Variants in SYT1 observed in about 807,000 individuals in gnomAD.
SYT1 encodes the protein synaptotagmin-1.
In SYT1, 8 loss-of-function variants were observed where a neutral mutation model predicts 44.8. The ratio of observed to expected loss-of-function variants is 0.18; its 90% confidence interval spans 0.10 to 0.32. The LOEUF is 0.32. SYT1 is among the 10% of genes least tolerant of loss of function. The pLI is 1.00. For synonymous variants in SYT1, 154 were observed against 188.8 expected, an observed-to-expected ratio of 0.82 and a Z score of 1.51; for missense variants, 286 against 509.3, an observed-to-expected ratio of 0.56 and a Z score of 4.22.
At chr12:79,214,931 ATGTGTGTATATGTG>A (rs949889909) in intron 3 of SYT1, among the ~76,000 whole-genome samples, 6 of 99,218 alleles carry the variant, frequency 6.0e-5, no homozygotes, top group African/African-American at 3.0e-4. Context: ...GCCTGTAATA[ATGTGTGTATATGTG>A]TGTGTGTGTG....
At chr12:79,191,100 A>AAT (rs35534550) in intron 3 of SYT1, among the ~76,000 whole-genome samples, 95,171 of 149,616 alleles carry the variant, frequency 0.64, 30,566 homozygotes, top group Admixed American at 0.69. Flanking sequence ...CATAAATATA[A>AAT]ATATATATAT....
At chr12:79,231,016 T>C (rs183986008) in intron 4 of SYT1, among the ~76,000 whole-genome samples, 167 of 152,330 alleles carry the variant, frequency 1.1e-3, no homozygotes, top group African/African-American at 3.7e-3. Context: ...AAAGCCTGAC[T>C]ACAAAAACAA....
intron 9 of SYT1, among the ~76,000 whole-genome samples, chr12:79,375,693 G>A (rs1883965696): frequency 6.6e-6 from 1 of 152,126 alleles, no homozygotes; most frequent in South Asian, 2.1e-4. Context: ...GTACCTGTCT[G>A]CTTCACTTAT....
At chr12:79,132,747 G>A (rs1868929957) in intron 3 of SYT1, among the ~76,000 whole-genome samples, 1 of 150,148 alleles carries the variant, frequency 6.7e-6, no homozygotes, top group African/African-American at 2.5e-5. Context: ...TCAATACTGG[G>A]TAGCTATCGA....
intron 1 of SYT1, among the ~76,000 whole-genome samples, chr12:78,903,503 C>A (rs1875782243): frequency 6.6e-6 from 1 of 151,782 alleles, no homozygotes; most frequent in Non-Finnish European, 1.5e-5. Context: ...GTCAGGCTGG[C>A]CTCGAACTAC....
At chr12:78,974,474 T>C (rs775214541) in intron 1 of SYT1, among the ~76,000 whole-genome samples, 3 of 152,096 alleles carry the variant, frequency 2.0e-5, no homozygotes, top group Non-Finnish European at 2.9e-5. Context: ...TCTTGCTCTG[T>C]CGCCCAGGCT....
chr12:79,447,196 T>G (rs998331318), intron 10 of SYT1, among the ~76,000 whole-genome samples: 2 of 152,064 alleles, frequency 1.3e-5, no homozygotes, highest in African/African-American at 4.8e-5. Context: ...CTCTGCTCCT[T>G]GAGTCACTTT....
intron 3 of SYT1, among the ~76,000 whole-genome samples, chr12:79,216,688 G>A (rs1219768871): frequency 1.3e-5 from 2 of 151,792 alleles, no homozygotes; most frequent in Admixed American, 1.3e-4. Flanking sequence ...AATTATTTTG[G>A]CATATTTTGG....
rs1413932067 is a variant in SYT1 at position 79,138,318 on chromosome 12, A to G, written c.-17-79185A>G. Among the ~76,000 whole-genome samples the G allele has an allele frequency of 1.7e-4, 26 of 152,222 alleles. 1 individual carries two copies. Among genetic ancestry groups the G allele is most frequent in the Admixed American group, 1.6e-3 (25 of 15,282 alleles). On this transcript the variant is annotated intron_variant, in intron 3 of 10. Coordinates refer to ENST00000261205, the MANE Select transcript of SYT1 (RefSeq NM_005639.3). The stretch of plus-strand genomic sequence containing the variant: ...TATGATTTTTAAAAGATACCTCTAG[A>G]AACTTAAATTCAGGGCATCAAATTT...
chr12:79,276,672 C>CAA lies in SYT1; in HGVS notation c.167-9103_167-9102dup, dbSNP rs570244503. Among the ~76,000 whole-genome samples the CAA allele has an allele frequency of 8.0e-3, 925 of 116,130 alleles. 8 individuals carry two copies. The highest frequency in any genetic ancestry group is 0.028 in the African/African-American group (846 of 30,558). The allele number at this position is 116,130 out of a possible 152,430, so 76.2% of individuals were successfully genotyped here. ...GCCTGGTGACAGAGCAAGACTCCAT[C>CAA]AAAAAAAAAAAAACAAAAAAACCAG... is the stretch of plus-strand genomic sequence containing the variant. On this transcript the variant is annotated intron_variant, in intron 4 of 10. Coordinates refer to ENST00000261205, the MANE Select transcript of SYT1 (RefSeq NM_005639.3).
intron 3 of SYT1, among the ~76,000 whole-genome samples, chr12:79,093,563 C>T (rs970663637): frequency 4.6e-5 from 7 of 151,500 alleles, no homozygotes; most frequent in Non-Finnish European, 8.9e-5. Context: ...ATTTCTGAAA[C>T]CTTTATAATA....
chr12:78,904,513 C>A (rs910263051), intron 1 of SYT1, among the ~76,000 whole-genome samples: 1 of 152,022 alleles, frequency 6.6e-6, no homozygotes, highest in Non-Finnish European at 1.5e-5. Flanking sequence ...TAACTCTGCC[C>A]AAGGATGAAA....
At chr12:78,995,266 T>C (rs774737177) in intron 2 of SYT1, among the ~76,000 whole-genome samples, 1 of 152,212 alleles carries the variant, frequency 6.6e-6, no homozygotes, top group Non-Finnish European at 1.5e-5. Flanking sequence ...AACTTTGGAA[T>C]AGGCTAAAAG....
chr12:79,376,657 T>C (rs1464639197), intron 9 of SYT1, among the ~76,000 whole-genome samples: 1 of 152,218 alleles, frequency 6.6e-6, no homozygotes, highest in Non-Finnish European at 1.5e-5. Flanking sequence ...CTATTTAAGA[T>C]GGAGTTGCTC....
rs150238334 is a variant in SYT1, at chr12:79,085,524, T to C, written c.-18+38162T>C. Among the ~76,000 whole-genome samples the C allele has an allele frequency of 5.9e-3, 892 of 152,226 alleles. 10 individuals carry two copies. The highest frequency in any genetic ancestry group is 0.02 in the African/African-American group (845 of 41,540). ...CTCCAGTGCTCACAGTGGAGGCCAC[T>C]GAAGTGTTATGACCATGTTCTGTCA... On this transcript the variant is annotated intron_variant, in intron 3 of 10. Coordinates refer to ENST00000261205, the MANE Select transcript of SYT1 (RefSeq NM_005639.3).
intron 1 of SYT1, among the ~76,000 whole-genome samples, chr12:78,963,724 A>G (rs1592610233): frequency 1.3e-5 from 2 of 152,160 alleles, no homozygotes; most frequent in Admixed American, 1.3e-4. Context: ...GCTCTTGGTG[A>G]AAATGGAAAA....
intron 8 of SYT1, among the ~76,000 whole-genome samples, chr12:79,324,776 A>C (rs1316075096): frequency 1.6e-5 from 2 of 127,264 alleles, no homozygotes. Context: ...CATGACTGGC[A>C]AAAAAAAAAG....
intron 1 of SYT1, among the ~76,000 whole-genome samples, chr12:78,905,022 G>C (rs1337108068): frequency 6.6e-6 from 1 of 152,102 alleles, no homozygotes; most frequent in Non-Finnish European, 1.5e-5. Flanking sequence ...AATCTCCTAA[G>C]ATATCTCATA....
chr12:78,935,324 A>G (rs917285281), intron 1 of SYT1, among the ~76,000 whole-genome samples: 2 of 152,202 alleles, frequency 1.3e-5, no homozygotes, highest in Non-Finnish European at 2.9e-5. Context: ...TTAATCATTT[A>G]TTCAATTAAT....
Sources: allele counts gnomAD v4.1 joint callset (sites outside exome capture counted in the v4.1 genomes callset), GRCh38; gene constraint gnomAD v4.1.1; transcripts MANE v1.5; gene names NCBI Gene and HGNC (gene_info 2026-07-23, HGNC 2026-07-21).